Variants in SLC35F3 observed in about 807,000 individuals in gnomAD.
The protein encoded by SLC35F3 is solute carrier family 35 member F3, also known as putative thiamine transporter SLC35F3.
Under a neutral mutation model 49.9 loss-of-function variants are expected in SLC35F3, and 25 were observed. That is an observed-to-expected ratio of 0.50 (90% CI 0.37 to 0.70). SLC35F3 has a LOEUF of 0.70. Among genes scored for constraint, SLC35F3 ranks in the 30% least tolerant of loss-of-function variants. SLC35F3 has a pLI of 0.00. For missense variants in SLC35F3, 525 were observed against 639.8 expected, an observed-to-expected ratio of 0.82 and a Z score of 1.94; for synonymous variants, 275 against 265.4, an observed-to-expected ratio of 1.04 and a Z score of -0.35.
intron 2 of SLC35F3, among the ~76,000 whole-genome samples, chr1:234,118,446 A>C (rs890191837): frequency 2.0e-5 from 3 of 152,190 alleles, no homozygotes; most frequent in African/African-American, 2.4e-5. Flanking sequence ...TGGAAGTTCA[A>C]CTTTGCCCCA....
At chr1:233,967,253 C>A (rs970429172) in intron 2 of SLC35F3, among the ~76,000 whole-genome samples, 19 of 152,182 alleles carry the variant, frequency 1.2e-4, no homozygotes, top group African/African-American at 3.6e-4. Context: ...AAGCCCCCCC[C>A]ACCCCAAACA....
intron 2 of SLC35F3, among the ~76,000 whole-genome samples, chr1:234,097,103 G>T (rs1362422658): frequency 6.6e-6 from 1 of 151,994 alleles, no homozygotes; most frequent in Non-Finnish European, 1.5e-5. Context: ...TGGTCAGGCT[G>T]GTCTCGAACT....
rs555345895 is a variant in SLC35F3 at position 234,221,882 on chromosome 1, C to T, written c.284-9535C>T. 7.2e-5 allele frequency among the ~76,000 whole-genome samples: 11 copies of T among 152,320 alleles called. No individual in the cohort carries two copies. The South Asian group carries it at 2.3e-3, about 32-fold the overall frequency. ...CTTCCATTGTCTTTTTAGGCAGGAA[C>T]ATTCTAAGAGTCTACTAAGTAGCTT... On this transcript the variant is annotated intron_variant, in intron 2 of 7. Transcript: ENST00000366618.
intron 2 of SLC35F3, among the ~76,000 whole-genome samples, chr1:234,074,233 C>G (rs373804559): frequency 6.6e-6 from 1 of 152,182 alleles, no homozygotes; most frequent in African/African-American, 2.4e-5. Context: ...GCAGAAGCTT[C>G]CATCCTGATT....
intron 3 of SLC35F3, among the ~76,000 whole-genome samples, chr1:234,278,965 A>T (rs891480286): frequency 5.3e-5 from 8 of 151,922 alleles, no homozygotes; most frequent in African/African-American, 1.7e-4. Flanking sequence ...CAATTTAGGA[A>T]GTTTATTTTG....
At chr1:234,138,077 C>T (rs1405674655) in intron 2 of SLC35F3, among the ~76,000 whole-genome samples, 2 of 152,174 alleles carry the variant, frequency 1.3e-5, no homozygotes, top group Non-Finnish European at 2.9e-5. Flanking sequence ...ATATTCTTCA[C>T]AGTAAGCAGG....
intron 2 of SLC35F3, among the ~76,000 whole-genome samples, chr1:234,100,507 A>C (rs1180913649): frequency 6.6e-6 from 1 of 152,226 alleles, no homozygotes; most frequent in Non-Finnish European, 1.5e-5. Context: ...TGTGATGAGC[A>C]TTCTCCCTTA....
chr1:234,228,823 T>A (rs1377571661), intron 2 of SLC35F3, among the ~76,000 whole-genome samples: 2 of 152,210 alleles, frequency 1.3e-5, no homozygotes, highest in African/African-American at 2.4e-5. Context: ...CCCTGGGTGC[T>A]AACATCACTA....
At chr1:233,951,705 T>TTCG (rs1216098269) in intron 2 of SLC35F3, among the ~76,000 whole-genome samples, 1 of 151,776 alleles carries the variant, frequency 6.6e-6, no homozygotes, top group African/African-American at 2.4e-5. Context: ...ATGTAGATGA[T>TTCG]TCTTCTTCTT....
At chr1:234,198,540 C>T (rs1666848890) in intron 2 of SLC35F3, among the ~76,000 whole-genome samples, 1 of 152,132 alleles carries the variant, frequency 6.6e-6, no homozygotes, top group African/African-American at 2.4e-5. Flanking sequence ...ACATCCTCTC[C>T]AACAGTTGCT....
chr1:233,945,244 C>G (rs2102801362), intron 2 of SLC35F3, among the ~76,000 whole-genome samples: 1 of 152,052 alleles, frequency 6.6e-6, no homozygotes, highest in Non-Finnish European at 1.5e-5. Context: ...GAATAAAAGC[C>G]TTTGCTCCTG....
chr1:234,110,556 A>G (rs1041105263), intron 2 of SLC35F3, among the ~76,000 whole-genome samples: 2 of 152,274 alleles, frequency 1.3e-5, no homozygotes, highest in African/African-American at 2.4e-5. Flanking sequence ...TTTTAAATAC[A>G]TATACAATTA....
At chr1:234,229,003 C>T (rs569608596) in intron 2 of SLC35F3, among the ~76,000 whole-genome samples, 1 of 152,242 alleles carries the variant, frequency 6.6e-6, no homozygotes, top group African/African-American at 2.4e-5. Flanking sequence ...GGGAGGTTTG[C>T]AATGAATGGG....
chr1:234,226,961 G>GCACGCACACACA (rs1553316746), intron 2 of SLC35F3, among the ~76,000 whole-genome samples: 86 of 148,740 alleles, frequency 5.8e-4, no homozygotes, highest in Admixed American at 2.6e-3. Context: ...GCGCACGCGT[G>GCACGCACACACA]CACACACACA....
At position 233,946,429 on chromosome 1, in the gene SLC35F3, C is replaced by T. The variant is rs4920185; in HGVS notation, c.283+40671C>T. ...ACAAATAAAAATTAAGAAAAGATAT[C>T]GAATGAATATAATCCAAGCTCTCTG... On this transcript the variant is annotated intron_variant, in intron 2 of 7. Coordinates refer to ENST00000366618, the MANE Select transcript of SLC35F3 (RefSeq NM_173508.4). Among the ~76,000 whole-genome samples, 8 of 152,148 alleles carry T rather than the reference C, an allele frequency of 5.3e-5. No homozygotes were observed. The South Asian group carries it at 1.0e-3, about 20-fold the overall frequency.
rs778112929 is a variant in SLC35F3 at position 233,905,509 on chromosome 1, C to T, written c.54-20C>T. On this transcript the variant is annotated intron_variant, in intron 1 of 7. Transcript: ENST00000366618. Reference sequence around the variant, plus strand: ...TGCTCCCCCTGCCCACCCACCTGCCCGTGGCGCCTGCGACCGCAGTGGCAT... The same window carrying T: ...TGCTCCCCCTGCCCACCCACCTGCCTGTGGCGCCTGCGACCGCAGTGGCAT... 20 of 1,588,242 alleles carry T rather than the reference C, an allele frequency of 1.3e-5. No homozygotes were observed. The highest frequency in any genetic ancestry group is 2.3e-5 in the East Asian group (1 of 44,128).
At chr1:234,039,831 G>A (rs1159371787) in intron 2 of SLC35F3, among the ~76,000 whole-genome samples, 1 of 152,162 alleles carries the variant, frequency 6.6e-6, no homozygotes, top group Non-Finnish European at 1.5e-5. Flanking sequence ...ATCCAGGTGG[G>A]GGTGCCTGCA....
At chr1:234,104,746 T>C (rs1160198812) in intron 2 of SLC35F3, among the ~76,000 whole-genome samples, 1 of 152,200 alleles carries the variant, frequency 6.6e-6, no homozygotes, top group Non-Finnish European at 1.5e-5. Flanking sequence ...TGAAAACAAA[T>C]TAGTACAAAT....
chr1:234,147,591 G>T (rs1418859233), intron 2 of SLC35F3, among the ~76,000 whole-genome samples: 1 of 152,098 alleles, frequency 6.6e-6, no homozygotes, highest in African/African-American at 2.4e-5. Flanking sequence ...GTTTCTTTGG[G>T]AGAATCGGTT....
Sources: gnomAD v4.1 joint callset for allele counts (sites outside exome capture counted in the v4.1 genomes callset) on GRCh38, gnomAD v4.1.1 for gene constraint, MANE v1.5 for transcripts, NCBI Gene and HGNC (gene_info 2026-07-23, HGNC 2026-07-21) for gene names.